NFATC2: variants seen among roughly 807,000 people sequenced by gnomAD.
The protein encoded by NFATC2 is nuclear factor of activated T cells 2.
A neutral mutation model predicts 87.3 loss-of-function variants in NFATC2; 22 were observed. That is an observed-to-expected ratio of 0.25 (90% confidence interval 0.18 to 0.36). NFATC2 has a LOEUF of 0.36. Among genes scored for constraint, NFATC2 ranks in the 10% least tolerant of loss-of-function variants. NFATC2 has a pLI of 1.00. For synonymous variants in NFATC2, 565 were observed against 542.2 expected (o/e 1.04, Z -0.58); for missense variants, 1,149 against 1,259.1 (o/e 0.91, Z 1.32).
intron 1 of NFATC2, among the ~76,000 whole-genome samples, chr20:51,529,586 C>T (rs866725217): frequency 1.3e-5 from 2 of 152,150 alleles, no homozygotes; most frequent in Admixed American, 6.5e-5. Context: ...TCACGATGCC[C>T]GCACGGCACT....
chr20:51,431,747 GT>G lies in NFATC2; in HGVS notation c.2722+319del, dbSNP rs753252715. Among the ~76,000 whole-genome samples, 26 of 152,214 alleles carry G rather than the reference GT, an allele frequency of 1.7e-4. 1 individual carries two copies. In the Middle Eastern group the frequency reaches 0.014, roughly 80 times the overall value. On this transcript the variant is annotated intron_variant, in intron 9 of 10. Coordinates refer to ENST00000371564, the MANE Select transcript of NFATC2 (RefSeq NM_012340.5). ...AGTCTAAATCTGGCAATTGGAAAGA[GT>G]GTGGAAGCAGTTAAATGGACCCAGT...
chr20:51,435,441 G>C lies in NFATC2; in HGVS notation c.1906-127C>G, dbSNP rs550987628. On this transcript the variant is annotated intron_variant, in intron 7 of 10. Coordinates refer to ENST00000371564, the MANE Select transcript of NFATC2 (RefSeq NM_012340.5). ...ATGTGCCTTTCATCGGTTTACAGGGGAAGTTCAATTTCAGGGGAATTTAAC... is the reference window on the plus strand; with the variant it reads ...ATGTGCCTTTCATCGGTTTACAGGGCAAGTTCAATTTCAGGGGAATTTAAC... The C allele has an allele frequency of 3.8e-5, 52 of 1,364,892 alleles. 1 individual carries two copies. The South Asian group carries it at 6.8e-4, about 18-fold the overall frequency. 84.5% of individuals were successfully genotyped at this position (1,364,892 alleles called of 1,614,324 possible). A position where few individuals can be genotyped will look rare whatever the true frequency, so the allele number is the denominator to read the frequency against.
chr20:51,526,842 C>G (rs2076553497), intron 1 of NFATC2, among the ~76,000 whole-genome samples: 1 of 152,094 alleles, frequency 6.6e-6, no homozygotes, highest in Admixed American at 6.5e-5. Context: ...GTGCATCTAC[C>G]CTCGCCTGCA....
At chr20:51,527,943 A>AT (rs150125979) in intron 1 of NFATC2, among the ~76,000 whole-genome samples, 2 of 150,846 alleles carry the variant, frequency 1.3e-5, no homozygotes, top group Non-Finnish European at 3.0e-5. Context: ...TAAAACAAAA[A>AT]TTTTTTTTTC....
chr20:51,391,200 A>C lies in NFATC2; in HGVS notation c.*296T>G. ...ATGCTCTCTGGGATTTAAAACATAA[A>C]CCGAAAAGAAGAGTTCTCTCTGGTG... On this transcript the variant is annotated 3_prime_UTR_variant, in exon 11 of 11. Coordinates refer to ENST00000371564, the MANE Select transcript of NFATC2 (RefSeq NM_012340.5). The C allele has an allele frequency of 1.4e-6, 1 of 702,754 alleles. No individual in the cohort carries two copies. The highest frequency in any genetic ancestry group is 2.6e-6 in the Non-Finnish European group (1 of 386,228). The allele number at this position is 702,754 out of a possible 1,614,324, so 43.5% of individuals were successfully genotyped here.
chr20:51,554,326 G>A (rs1439413369), intron 1 of NFATC2, among the ~76,000 whole-genome samples: 1 of 152,156 alleles, frequency 6.6e-6, no homozygotes, highest in African/African-American at 2.4e-5. Context: ...CATAGACGTT[G>A]GGTTTTTCTC....
chr20:51,409,777 C>G (rs907307639), intron 9 of NFATC2, among the ~76,000 whole-genome samples: 4 of 152,174 alleles, frequency 2.6e-5, no homozygotes, highest in Admixed American at 6.5e-5. Flanking sequence ...TTCTACAGGA[C>G]GAACTGGTTT....
chr20:51,448,035 C>T (rs555979560), intron 6 of NFATC2, among the ~76,000 whole-genome samples: 1 of 152,212 alleles, frequency 6.6e-6, no homozygotes, highest in African/African-American at 2.4e-5. Context: ...CATTCAACAA[C>T]ACAAATGAGC....
intron 6 of NFATC2, 133 bp downstream of exon 6, chr20:51,454,415 G>A (rs368714261): frequency 7.0e-5 from 60 of 852,220 alleles, no homozygotes; most frequent in African/African-American, 3.0e-4. Context: ...CTGAAGACAC[G>A]CTGAGTAAAA....
chr20:51,416,094 T>G (rs547381334), intron 9 of NFATC2, among the ~76,000 whole-genome samples: 2 of 152,016 alleles, frequency 1.3e-5, no homozygotes, highest in Non-Finnish European at 2.9e-5. Context: ...AGACCCCGTC[T>G]CTACTAAAAA....
rs1184346789 is a variant in NFATC2 at position 51,477,539 on chromosome 20, A to G, written c.1333-1879T>C. ...TATACATATGTGTGTGTGTGTCTATATATATATATATATATATATATATAT... is the reference window on the plus strand; with the variant it reads ...TATACATATGTGTGTGTGTGTCTATGTATATATATATATATATATATATAT... On this transcript the variant is annotated intron_variant, in intron 3 of 10. Transcript: ENST00000371564. Among the ~76,000 whole-genome samples, 189 of 44,594 alleles carry G rather than the reference A, an allele frequency of 4.2e-3. 2 individuals are homozygous for G. The highest frequency in any genetic ancestry group is 0.012 in the Middle Eastern group (1 of 84). 29.3% of individuals were successfully genotyped at this position (44,594 alleles called of 152,430 possible). A position where few individuals can be genotyped will look rare whatever the true frequency, so the allele number is the denominator to read the frequency against.
intron 3 of NFATC2, among the ~76,000 whole-genome samples, chr20:51,481,691 G>A (rs562219886): frequency 3.8e-4 from 57 of 151,998 alleles, no homozygotes; most frequent in Non-Finnish European, 6.0e-4. Context: ...GACCCAAGAA[G>A]CCAACTGCAG....
At chr20:51,413,027 C>T (rs1253692231) in intron 9 of NFATC2, among the ~76,000 whole-genome samples, 1 of 139,816 alleles carries the variant, frequency 7.2e-6, no homozygotes. Context: ...ACACATGGAG[C>T]CGAGTACAGT....
intron 5 of NFATC2, among the ~76,000 whole-genome samples, chr20:51,471,088 G>C (rs1475190330): frequency 1.3e-5 from 2 of 152,156 alleles, no homozygotes; most frequent in African/African-American, 4.8e-5. Flanking sequence ...AAAAAGAAAA[G>C]AAAACAATTT....
intron 10 of NFATC2, among the ~76,000 whole-genome samples, chr20:51,394,438 G>T (rs1568919213): frequency 6.6e-6 from 1 of 151,888 alleles, no homozygotes; most frequent in African/African-American, 2.4e-5. Context: ...TGCTCCTCTG[G>T]GTAGCATCAT....
chr20:51,441,559 TACAAA>T (rs1013801417), intron 6 of NFATC2, among the ~76,000 whole-genome samples: 18 of 151,408 alleles, frequency 1.2e-4, no homozygotes, highest in African/African-American at 4.1e-4. Context: ...CTACTAAAAA[TACAAA>T]AAATTAGCTG....
intron 3 of NFATC2, among the ~76,000 whole-genome samples, chr20:51,476,321 C>T (rs535826961): frequency 3.4e-5 from 5 of 146,374 alleles, no homozygotes; most frequent in African/African-American, 1.0e-4. Flanking sequence ...TTCCAATGAA[C>T]AAAGTTTGAT....
At chr20:51,422,971 A>G (rs1981179451) in intron 9 of NFATC2, among the ~76,000 whole-genome samples, 1 of 151,416 alleles carries the variant, frequency 6.6e-6, no homozygotes, top group African/African-American at 2.4e-5. Flanking sequence ...CTGATATTAG[A>G]AAGTTATGTA....
chr20:51,406,170 G>C (rs557434645), intron 9 of NFATC2, among the ~76,000 whole-genome samples: 1 of 152,328 alleles, frequency 6.6e-6, no homozygotes, highest in African/African-American at 2.4e-5. Context: ...CTCCGAAAGA[G>C]TAACAAACCC....
Sources: allele counts gnomAD v4.1 joint callset (sites outside exome capture counted in the v4.1 genomes callset), GRCh38; gene constraint gnomAD v4.1.1; transcripts MANE v1.5; gene names NCBI Gene and HGNC (gene_info 2026-07-23, HGNC 2026-07-21).